The following NPLOC4 variants were observed in gnomAD, a reference collection of about 807,000 sequenced individuals.
The protein encoded by NPLOC4 is NPL4 homolog, ubiquitin recognition factor, also known as nuclear protein localization protein 4 homolog.
In NPLOC4, 18 loss-of-function variants were observed where a neutral mutation model predicts 80.6. The observed-to-expected ratio is 0.22, with a 90% CI of 0.15 to 0.33. The LOEUF is 0.33. NPLOC4 is among the 10% of genes least tolerant of loss of function. The probability of loss-of-function intolerance (pLI) is 1.00; values close to 1 mark genes in which losing one functional copy is unlikely to be tolerated. For synonymous variants in NPLOC4, 313 were observed against 301.5 expected (o/e 1.04, Z -0.39); for missense variants, 540 against 786.1 (o/e 0.69, Z 3.74).
intron 1 of NPLOC4, among the ~76,000 whole-genome samples, chr17:81,633,767 C>T (rs1200703798): frequency 1.3e-5 from 2 of 152,146 alleles, no homozygotes; most frequent in East Asian, 1.9e-4. Context: ...TGCGATGGCG[C>T]GACCTCGGTT....
chr17:81,611,335 T>A (rs547051732), intron 4 of NPLOC4, among the ~76,000 whole-genome samples: 3 of 151,426 alleles, frequency 2.0e-5, no homozygotes, highest in African/African-American at 7.3e-5. Context: ...AATAAATAAA[T>A]AAAATAGTTT....
chr17:81,618,639 G>T (rs1421651225), intron 3 of NPLOC4, among the ~76,000 whole-genome samples: 28 of 150,456 alleles, frequency 1.9e-4, no homozygotes, highest in African/African-American at 6.4e-4. Context: ...GGGCGCCTCT[G>T]CCCGGCCGCC....
rs2034177925 is a variant in NPLOC4, at chr17:81,572,166, CT to C, written c.1282-79del. On this transcript the variant is annotated intron_variant, in intron 12 of 16. Transcript: ENST00000331134. This position sits in a 1 kb window ranked among gnomAD's most constrained non-coding sequence, Gnocchi z 4.5. ...TTTTCCTTTCACATGCTTGTCTCAC[CT>C]TTTATTTAATTAATTAATTTATTTA... is the stretch of plus-strand genomic sequence containing the variant. The C allele has an allele frequency of 4.3e-6, 3 of 703,680 alleles. No individual in the cohort carries two copies. The highest frequency in any genetic ancestry group is 6.5e-6 in the Non-Finnish European group (3 of 460,004). 43.6% of individuals were successfully genotyped at this position (703,680 alleles called of 1,614,324 possible).
At chr17:81,606,286 C>T (rs2035201986) in intron 7 of NPLOC4, among the ~76,000 whole-genome samples, 1 of 152,218 alleles carries the variant, frequency 6.6e-6, no homozygotes, top group South Asian at 2.1e-4. Flanking sequence ...GACAGCAGAA[C>T]ATCCAGAAAG....
In NPLOC4 at chr17:81,559,045, T is replaced by TGCATTC; in HGVS notation, c.*208_*213dup. ...CGCTCTGCGTTTCCAGTCTGGAGACTGCATTCAGCCTGCAGAATACCAGCC... is the reference window on the plus strand; with the variant it reads ...CGCTCTGCGTTTCCAGTCTGGAGACTGCATTCGCATTCAGCCTGCAGAATACCAGCC... On this transcript the variant is annotated 3_prime_UTR_variant, in exon 17 of 17. Coordinates refer to ENST00000331134, the MANE Select transcript of NPLOC4 (RefSeq NM_017921.4). 1 of 565,196 alleles carries TGCATTC rather than the reference T, an allele frequency of 1.8e-6. No homozygotes were observed. The highest frequency in any genetic ancestry group is 3.1e-6 in the Non-Finnish European group (1 of 320,548). 35.0% of individuals were successfully genotyped at this position (565,196 alleles called of 1,614,324 possible).
chr17:81,565,396 G>A, intron 16 of NPLOC4, 109 bp downstream of exon 16: 1 of 946,252 alleles, frequency 1.1e-6, no homozygotes, highest in African/African-American at 1.6e-5. Context: ...CTGCCAGGAT[G>A]CAGCTGGGTG....
At chr17:81,627,605 G>A (rs942850379) in intron 2 of NPLOC4, among the ~76,000 whole-genome samples, 1 of 152,162 alleles carries the variant, frequency 6.6e-6, no homozygotes, top group South Asian at 2.1e-4. Flanking sequence ...CGGACTTGGT[G>A]GCGTATGCCT....
intron 2 of NPLOC4, among the ~76,000 whole-genome samples, chr17:81,628,464 G>A (rs1244073598): frequency 6.6e-6 from 1 of 151,956 alleles, no homozygotes; most frequent in African/African-American, 2.4e-5. Context: ...AGTGAGCCGA[G>A]ATCATGCCAC....
chr17:81,591,451 A>AAAAG (rs2034738926), intron 11 of NPLOC4, among the ~76,000 whole-genome samples: 1 of 110,006 alleles, frequency 9.1e-6, no homozygotes, highest in African/African-American at 3.8e-5. Context: ...AAAACAGAAA[A>AAAAG]AAAAAAAAAA....
At chr17:81,607,080 CATCT>C (rs2035222036) in intron 6 of NPLOC4, among the ~76,000 whole-genome samples, 1 of 152,090 alleles carries the variant, frequency 6.6e-6, no homozygotes, top group Non-Finnish European at 1.5e-5. Flanking sequence ...TGTTTTTTAC[CATCT>C]ATCACTAACA....
intron 3 of NPLOC4, among the ~76,000 whole-genome samples, chr17:81,621,266 G>C (rs1364124375): frequency 6.6e-6 from 1 of 152,222 alleles, no homozygotes; most frequent in Non-Finnish European, 1.5e-5. Context: ...TAGGCAAACA[G>C]TAGGTGCCCA....
At chr17:81,591,756 A>C (rs2034751373) in intron 11 of NPLOC4, among the ~76,000 whole-genome samples, 1 of 152,184 alleles carries the variant, frequency 6.6e-6, no homozygotes, top group African/African-American at 2.4e-5. Context: ...TCCCTTCACA[A>C]ATCAGTCAGT....
At chr17:81,618,593 G>GC (rs543930366) in intron 3 of NPLOC4, among the ~76,000 whole-genome samples, 34,419 of 92,070 alleles carry the variant, frequency 0.37, 4,987 homozygotes, top group African/African-American at 0.49. Context: ...TGGGGGGTCA[G>GC]CCCCCGCCCA....
chr17:81,612,413 A>G (rs551350847), intron 4 of NPLOC4, among the ~76,000 whole-genome samples: 1 of 152,328 alleles, frequency 6.6e-6, no homozygotes, highest in South Asian at 2.1e-4. Context: ...TCATGCAAGC[A>G]AGCCAGTGCC....
chr17:81,589,850 C>CAAA, intron 11 of NPLOC4, among the ~76,000 whole-genome samples: 1 of 130,324 alleles, frequency 7.7e-6, no homozygotes, highest in South Asian at 2.5e-4. Context: ...ATCAATCAAT[C>CAAA]AAAAAAAAAA....
intron 1 of NPLOC4, among the ~76,000 whole-genome samples, chr17:81,632,895 C>G (rs1247276662): frequency 6.6e-6 from 1 of 152,092 alleles, no homozygotes; most frequent in African/African-American, 2.4e-5. Flanking sequence ...AGGCTCCACC[C>G]AATATGTTCT....
chr17:81,613,898 G>A (rs2035406121), intron 3 of NPLOC4, among the ~76,000 whole-genome samples: 1 of 151,928 alleles, frequency 6.6e-6, no homozygotes, highest in Non-Finnish European at 1.5e-5. Flanking sequence ...CACTGCATGT[G>A]CTGGTTGCAT....
chr17:81,612,066 T>C (rs554805163), intron 4 of NPLOC4, among the ~76,000 whole-genome samples: 2 of 150,568 alleles, frequency 1.3e-5, no homozygotes, highest in Non-Finnish European at 3.0e-5. Context: ...GTTTGGAAAA[T>C]ACCTACTTCA....
intron 1 of NPLOC4, among the ~76,000 whole-genome samples, chr17:81,632,538 T>C (rs190651812): frequency 6.6e-6 from 1 of 151,968 alleles, no homozygotes; most frequent in Non-Finnish European, 1.5e-5. Flanking sequence ...GGTCTCGAAC[T>C]CCTGACCTCA....
Sources: gnomAD v4.1 joint callset for allele counts (sites outside exome capture counted in the v4.1 genomes callset) on GRCh38, gnomAD v4.1.1 for gene constraint, Gnocchi (gnomAD v3.1) non-coding constraint, MANE v1.5 for transcripts, NCBI Gene and HGNC (gene_info 2026-07-23, HGNC 2026-07-21) for gene names.